PFAS: variants seen among roughly 807,000 people sequenced by gnomAD.
PFAS encodes FGAM synthase.
A neutral mutation model predicts 140.6 loss-of-function variants in PFAS; 97 were observed. That is an observed-to-expected ratio of 0.69 (90% CI 0.59 to 0.82). The LOEUF (loss-of-function observed/expected upper bound fraction) is 0.82. PFAS is among the 40% of genes least tolerant of loss of function. The pLI, the probability that PFAS is intolerant of heterozygous loss-of-function variation, is 0.00. For missense variants in PFAS, 1,656 were observed against 1,780.2 expected (o/e 0.93, Z 1.26); for synonymous variants, 679 against 718.8 (o/e 0.94, Z 0.88).
chr17:8,265,104 T>A lies in PFAS; in HGVS notation c.2259T>A (p.Phe753Leu). The part of the protein sequence containing the change: ...AVAEALTNLV[F>L]ALVTDLRDVK... Reference sequence around the variant, plus strand: ...CCGAAGCCCTCACCAACCTGGTGTTTGCTCTGGTCACTGACCTCCGGGTGA... The same window carrying A: ...CCGAAGCCCTCACCAACCTGGTGTTAGCTCTGGTCACTGACCTCCGGGTGA... The change falls in exon 18 of 28, where the codon TTT becomes TTA. Residue 753 changes from phenylalanine (F) to leucine (L), a missense_variant. Physicochemically the swap from Phe to Leu is conservative, Grantham distance 22. Around this residue, in one of 2 missense-constraint regions of PFAS, gnomAD observed 883 missense variants for 1,023.0 expected, o/e 0.86. Transcript: ENST00000314666. 6.2e-7 allele frequency: 1 copy of A among 1,612,868 alleles called. No individual in the cohort carries two copies. The highest frequency in any genetic ancestry group is 8.5e-7 in the Non-Finnish European group (1 of 1,179,814).
intron 1 of PFAS, among the ~76,000 whole-genome samples, chr17:8,253,562 G>A (rs1989240829): frequency 1.3e-5 from 2 of 152,030 alleles, no homozygotes; most frequent in East Asian, 1.9e-4. Context: ...TTATTGAGAC[G>A]GAGTTTTGCT....
chr17:8,264,520 C>T lies in PFAS; in HGVS notation c.1968C>T (p.Pro656=), dbSNP rs753362177. 3.7e-6 allele frequency: 6 copies of T among 1,613,832 alleles called. No individual in the cohort carries two copies. In the Middle Eastern group the frequency reaches 5.0e-4, roughly 133 times the overall value. Residue 656 remains proline (P), a synonymous_variant, in exon 17 of 28, where the codon CCC becomes CCT. Coordinates refer to ENST00000314666, the MANE Select transcript of PFAS (RefSeq NM_012393.3). ...KPPMLQPLAL[P]PGLSVHQALE... is the part of the protein sequence containing the mutation. ...CCATGCTGCAGCCTCTGGCCTTGCC[C>T]CCAGGGCTGAGCGTGCACCAGGCTC...
upstream of PFAS, chr17:8,247,810 G>C: frequency 1.6e-6 from 1 of 613,958 alleles, no homozygotes; most frequent in Non-Finnish European, 3.0e-6. Context: ...GGCTCACAGC[G>C]GGCGCCGCGT....
chr17:8,265,223 C>CGCCTGCACCCCTG (rs1989763280), intron 18 of PFAS, 65 bp from the exon 19 acceptor site: 1 of 1,575,714 alleles, frequency 6.3e-7, no homozygotes, highest in Non-Finnish European at 8.7e-7. Flanking sequence ...CCTCCCAGTC[C>CGCCTGCACCCCTG]GCCTGCACCC....
intron 17 of PFAS, 146 bp from the exon 18 acceptor site, chr17:8,264,749 C>T (rs1989741231): frequency 1.2e-5 from 12 of 1,019,624 alleles, no homozygotes; most frequent in Non-Finnish European, 1.7e-5. Flanking sequence ...GGCCTGGTCT[C>T]CCTGCTACCC....
In PFAS at chr17:8,266,884, G is replaced by A. The variant is rs748511975; in HGVS notation, c.2953G>A (p.Gly985Arg). Residue 985 changes from glycine (G) to arginine (R), a missense_variant, in exon 23 of 28, where the codon GGG (glycine) becomes AGG (arginine). This residue lies in a region of PFAS where 883 missense variants were observed against 1,023.0 expected (regional missense o/e 0.86). Coordinates refer to ENST00000314666, the MANE Select transcript of PFAS (RefSeq NM_012393.3). The surrounding 1 kb of genome is among the most constrained non-coding windows in gnomAD (Gnocchi z 5.0). ...GGAGCTGGGCCACACAGGCGAGGCC[G>A]GGCCCCACGCCATGGTGAGGAAGTG... ...CLELGHTGEA[G>R]PHAMVRVSVN... 45 of 1,603,952 alleles carry A rather than the reference G, an allele frequency of 2.8e-5. No homozygotes were observed. The highest frequency in any genetic ancestry group is 3.4e-5 in the Non-Finnish European group (40 of 1,177,930).
chr17:8,264,688 G>GT, intron 17 of PFAS, 87 bp downstream of exon 17: 1 of 1,415,838 alleles, frequency 7.1e-7, no homozygotes, highest in Non-Finnish European at 9.6e-7. Context: ...TGCTGTGGGG[G>GT]TTTTTGCCTG....
At chr17:8,260,146 G>A (rs530315536) in intron 11 of PFAS, among the ~76,000 whole-genome samples, 1 of 151,822 alleles carries the variant, frequency 6.6e-6, no homozygotes, top group Non-Finnish European at 1.5e-5. Flanking sequence ...ACATAAACCA[G>A]TAATAGTCAT....
Position 8,266,913 on chromosome 17 carries a change from G to C in PFAS, c.2967+15G>C. 6.2e-7 allele frequency: 1 copy of C among 1,600,690 alleles called. No homozygotes were observed. The highest frequency in any genetic ancestry group is 8.5e-7 in the Non-Finnish European group (1 of 1,176,546). ...CCCACGCCATGGTGAGGAAGTGAGG[G>C]AGAGAGCGGTGTGCAGTGGGCAGTC... On this transcript the variant is annotated intron_variant, in intron 23 of 27. Transcript: ENST00000314666. This position sits in a 1 kb window ranked among gnomAD's most constrained non-coding sequence, Gnocchi z 5.0.
rs1989822229 is a variant in PFAS at position 8,266,549 on chromosome 17, C to T, written c.2821+196C>T. On this transcript the variant is annotated intron_variant, in intron 22 of 27. Coordinates refer to ENST00000314666, the MANE Select transcript of PFAS (RefSeq NM_012393.3). This position sits in a 1 kb window ranked among gnomAD's most constrained non-coding sequence, Gnocchi z 5.0. ...CACCCACCATGTTCCTGACTGCACC[C>T]CTCTGAGACTTCCCATCCCTGAGAT... 1 of 1,449,758 alleles carries T rather than the reference C, an allele frequency of 6.9e-7. No homozygotes were observed. The highest frequency in any genetic ancestry group is 2.5e-5 in the East Asian group (1 of 40,450). The allele number at this position is 1,449,758 out of a possible 1,614,324, so 89.8% of individuals were successfully genotyped here.
At chr17:8,258,333 A>G in intron 11 of PFAS, 134 bp downstream of exon 11, 2 of 948,540 alleles carry the variant, frequency 2.1e-6, no homozygotes, top group Non-Finnish European at 3.2e-6. Context: ...TCACATAATG[A>G]TGGACAACTC....
At chr17:8,261,473 A>C (rs1256875761) in intron 11 of PFAS, among the ~76,000 whole-genome samples, 2 of 149,976 alleles carry the variant, frequency 1.3e-5, no homozygotes, top group African/African-American at 2.4e-5. Context: ...TCCTGAGCTC[A>C]GGTAATCCAC....
chr17:8,255,062 T>TG lies in PFAS; in HGVS notation c.315dup (p.Ser106ValfsTer31), dbSNP rs1195881833. 6.2e-7 allele frequency: 1 copy of TG among 1,613,970 alleles called. No individual in the cohort carries two copies. Among genetic ancestry groups the TG allele is most frequent in the South Asian group, 1.1e-5 (1 of 91,084 alleles). ...TCCACCCCAACATCCACCAACATCG[T>TG]GTCAGTGTGCCGCGCCACTGGGCTG... On this transcript the variant is annotated frameshift_variant, in exon 4 of 28. Coordinates refer to ENST00000314666, the MANE Select transcript of PFAS (RefSeq NM_012393.3). LOFTEE classifies it high-confidence loss of function.
At chr17:8,250,050 A>G (rs1355662002) in intron 1 of PFAS, among the ~76,000 whole-genome samples, 3 of 152,202 alleles carry the variant, frequency 2.0e-5, no homozygotes, top group Non-Finnish European at 2.9e-5. Context: ...AAGGCGAATC[A>G]CCAGAAATCT....
At chr17:8,248,245 A>AT (rs113481309), upstream of PFAS, 45,544 of 438,016 alleles carry the variant, frequency 0.1, 61 homozygotes, top group South Asian at 0.12. Flanking sequence ...CTTTTCTCTG[A>AT]TTTTTTTTTT....
intron 11 of PFAS, among the ~76,000 whole-genome samples, chr17:8,259,030 T>TATA (rs1989485229): frequency 2.0e-5 from 3 of 147,912 alleles, no homozygotes; most frequent in African/African-American, 7.5e-5. Flanking sequence ...GGTGCATGCC[T>TATA]ATAGTCCCAG....
chr17:8,256,346 A>C lies in PFAS; in HGVS notation c.760A>C (p.Ile254Leu). Residue 254 changes from isoleucine to leucine, a missense_variant, in exon 7 of 28, where the codon ATC becomes CTC. Transcript: ENST00000314666. ...GCTGGTGCACTCACTGTTTGAGTCC[A>C]TCATGAGCACCCAGGAATCCTCGAA... Reference protein sequence around the residue: ...QKLVHSLFESIMSTQESSNPN... With the variant: ...QKLVHSLFESLMSTQESSNPN... 1 of 1,614,050 alleles carries C rather than the reference A, an allele frequency of 6.2e-7. No individual in the cohort carries two copies. The highest frequency in any genetic ancestry group is 1.1e-5 in the South Asian group (1 of 91,088).
chr17:8,263,041 C>G lies in PFAS; in HGVS notation c.1410+48C>G, dbSNP rs1168366065. On this transcript the variant is annotated intron_variant, in intron 12 of 27. Transcript: ENST00000314666. ...GCAGAATCCTTGATATAACCGGGCCCCAGGCATAGGGGAGCGTATAGGAGC... is the reference window on the plus strand; with the variant it reads ...GCAGAATCCTTGATATAACCGGGCCGCAGGCATAGGGGAGCGTATAGGAGC... 6 of 1,610,130 alleles carry G rather than the reference C, an allele frequency of 3.7e-6. No individual in the cohort carries two copies. The African/African-American group carries it at 6.7e-5, about 18-fold the overall frequency.
chr17:8,255,886 C>A lies in PFAS; in HGVS notation c.656C>A (p.Ala219Asp). 6.2e-7 allele frequency: 1 copy of A among 1,613,706 alleles called. No homozygotes were observed. The change falls in exon 6 of 28, where the codon GCC becomes GAC. Residue 219 changes from alanine to aspartate, a missense_variant. Coordinates refer to ENST00000314666, the MANE Select transcript of PFAS (RefSeq NM_012393.3). ...ELQRNPSTVE[A>D]FDLAQSNSEH... ...CAGCGGAACCCGAGCACTGTGGAGG[C>A]CTTTGACTTGGCGCAGTCCAATAGG... is the stretch of plus-strand genomic sequence containing the variant.
Sources: gnomAD v4.1 joint callset for allele counts (sites outside exome capture counted in the v4.1 genomes callset) on GRCh38, gnomAD v4.1.1 for gene constraint, gnomAD v4.1.1 regional missense constraint, Gnocchi (gnomAD v3.1) non-coding constraint, MANE v1.5 for transcripts, NCBI Gene and HGNC (gene_info 2026-07-23, HGNC 2026-07-21) for gene names.